Variants in PTPRD observed in about 807,000 individuals in gnomAD.
PTPRD encodes the protein protein tyrosine phosphatase receptor type D, also known as receptor-type tyrosine-protein phosphatase delta.
PTPRD carries 34 observed loss-of-function variants against 214.5 expected under a neutral mutation model. The ratio of observed to expected loss-of-function variants is 0.16; its 90% CI spans 0.12 to 0.21. The LOEUF is 0.21. Among genes scored for constraint, PTPRD ranks in the 10% least tolerant of loss-of-function variants. PTPRD has a pLI of 1.00. For missense variants in PTPRD, 2,545 were observed against 2,398.7 expected, an observed-to-expected ratio of 1.06 and a Z score of -1.27; for synonymous variants, 1,128 against 845.7, an observed-to-expected ratio of 1.33 and a Z score of -5.79.
intron 12 of PTPRD, among the ~76,000 whole-genome samples, chr9:8,702,172 C>G (rs573089610): frequency 1.3e-5 from 2 of 151,312 alleles, no homozygotes; most frequent in South Asian, 4.2e-4. Flanking sequence ...TTGGATTTTT[C>G]TGGAATTTAT....
rs3739579 is a variant in PTPRD, at chr9:8,314,988, T to G, written c.*2886A>C. 0.15 allele frequency: 34,163 copies of G among 232,328 alleles called. 3,269 individuals are homozygous for G. The highest frequency in any genetic ancestry group is 0.34 in the East Asian group (5,609 of 16,484). 14.4% of individuals were successfully genotyped at this position (232,328 alleles called of 1,614,324 possible). On this transcript the variant is annotated 3_prime_UTR_variant, in exon 46 of 46. Transcript: ENST00000381196. ...TTCTGTACAAATCACTTTTTATATA[T>G]TTTGATTTTTTTTACCATTGTAACT...
chr9:9,056,576 T>A (rs1477551366), intron 10 of PTPRD, among the ~76,000 whole-genome samples: 4 of 152,230 alleles, frequency 2.6e-5, no homozygotes, highest in East Asian at 3.8e-4. Flanking sequence ...TTTGTGCCAA[T>A]GAGCATTTTA....
chr9:10,205,618 G>A (rs2099469508), intron 3 of PTPRD, among the ~76,000 whole-genome samples: 1 of 151,916 alleles, frequency 6.6e-6, no homozygotes, highest in Admixed American at 6.6e-5. Flanking sequence ...TGTTGTTCAG[G>A]CTGGTCTTGA....
At chr9:9,789,301 C>T (rs374149453) in intron 5 of PTPRD, among the ~76,000 whole-genome samples, 1 of 152,112 alleles carries the variant, frequency 6.6e-6, no homozygotes, top group Non-Finnish European at 1.5e-5. Flanking sequence ...GGCAAGTTCC[C>T]GTAGCGTATG....
Position 8,656,252 on chromosome 9 carries a change from A to G in PTPRD, c.65-19408T>C, listed in dbSNP as rs186650799. On this transcript the variant is annotated intron_variant, in intron 12 of 45. Transcript: ENST00000381196. ...AAATGTCTCCTCCAGATGATCTTTT[A>G]GCATACTAAAATTTTACAACCTTTT... Among the ~76,000 whole-genome samples the G allele has an allele frequency of 2.4e-4, 36 of 152,310 alleles. No individual in the cohort carries two copies. In the East Asian group the frequency reaches 6.4e-3, roughly 27 times the overall value.
intron 12 of PTPRD, among the ~76,000 whole-genome samples, chr9:8,668,459 T>C (rs981753418): frequency 3.3e-5 from 5 of 152,226 alleles, no homozygotes; most frequent in African/African-American, 4.8e-5. Flanking sequence ...TTCAGGCAAC[T>C]GCAAGATTAA....
intron 9 of PTPRD, among the ~76,000 whole-genome samples, chr9:9,331,319 T>C (rs2042229966): frequency 6.6e-6 from 1 of 152,102 alleles, no homozygotes; most frequent in Non-Finnish European, 1.5e-5. Flanking sequence ...TTACTAAGTT[T>C]TTAAAATGTT....
At chr9:9,120,805 G>A (rs1374086605) in intron 10 of PTPRD, among the ~76,000 whole-genome samples, 1 of 152,160 alleles carries the variant, frequency 6.6e-6, no homozygotes, top group Admixed American at 6.5e-5. Flanking sequence ...AGGATCATGT[G>A]TACAACATTT....
At chr9:8,668,762 T>C (rs1013395661) in intron 12 of PTPRD, among the ~76,000 whole-genome samples, 3 of 152,216 alleles carry the variant, frequency 2.0e-5, no homozygotes, top group Non-Finnish European at 4.4e-5. Context: ...TTTACTATAA[T>C]AGAATTCCAA....
At chr9:10,455,631 T>C (rs1290903069) in intron 2 of PTPRD, among the ~76,000 whole-genome samples, 1 of 151,736 alleles carries the variant, frequency 6.6e-6, no homozygotes, top group Non-Finnish European at 1.5e-5. Context: ...TCTCTCCCAT[T>C]CGTCACCATA....
At chr9:9,974,359 C>T (rs1267982073) in intron 4 of PTPRD, among the ~76,000 whole-genome samples, 1 of 152,112 alleles carries the variant, frequency 6.6e-6, no homozygotes, top group Non-Finnish European at 1.5e-5. Context: ...AAGCCTTTCT[C>T]CTTTGCTATT....
intron 5 of PTPRD, among the ~76,000 whole-genome samples, chr9:9,789,229 G>A (rs1187298153): frequency 6.6e-6 from 1 of 152,104 alleles, no homozygotes. Flanking sequence ...TCTAACTTTG[G>A]TGGAGAAAGC....
chr9:10,308,094 T>C (rs1292344646), intron 3 of PTPRD, among the ~76,000 whole-genome samples: 3 of 151,926 alleles, frequency 2.0e-5, no homozygotes, highest in African/African-American at 4.8e-5. Flanking sequence ...TCTATTTTTG[T>C]TTATATTGCC....
chr9:8,789,726 G>A (rs1486367986), intron 11 of PTPRD, among the ~76,000 whole-genome samples: 2 of 152,064 alleles, frequency 1.3e-5, no homozygotes, highest in African/African-American at 2.4e-5. Flanking sequence ...AAAAAAACCA[G>A]AATAGCAGAG....
chr9:9,319,560 G>A (rs1029996393), intron 9 of PTPRD, among the ~76,000 whole-genome samples: 1 of 152,126 alleles, frequency 6.6e-6, no homozygotes, highest in Non-Finnish European at 1.5e-5. Context: ...TTCTACCAAA[G>A]AGTTAAATTA....
intron 5 of PTPRD, among the ~76,000 whole-genome samples, chr9:9,901,625 C>A (rs1421158225): frequency 6.6e-6 from 1 of 151,962 alleles, no homozygotes; most frequent in African/African-American, 2.4e-5. Flanking sequence ...AGAAATCTGA[C>A]TTCTTTCTTT....
chr9:8,316,970 G>T lies in PTPRD; in HGVS notation c.*904C>A. The T allele has an allele frequency of 4.3e-6, 1 of 231,374 alleles. No homozygotes were observed. The highest frequency in any genetic ancestry group is 8.6e-6 in the Non-Finnish European group (1 of 116,734). 14.3% of individuals were successfully genotyped at this position (231,374 alleles called of 1,614,324 possible). ...TACATAGACACCCTTATAAAATATG[G>T]ATATATATGTATATATGTTAGCAGC... On this transcript the variant is annotated 3_prime_UTR_variant, in exon 46 of 46. Coordinates refer to ENST00000381196, the MANE Select transcript of PTPRD (RefSeq NM_002839.4).
intron 8 of PTPRD, among the ~76,000 whole-genome samples, chr9:9,519,617 A>T (rs1487928036): frequency 6.6e-6 from 1 of 152,038 alleles, no homozygotes; most frequent in East Asian, 1.9e-4. Context: ...CACAAACCAA[A>T]ATACCAAACT....
At chr9:10,367,012 T>G (rs1282214841) in intron 2 of PTPRD, among the ~76,000 whole-genome samples, 1 of 151,786 alleles carries the variant, frequency 6.6e-6, no homozygotes, top group Non-Finnish European at 1.5e-5. Context: ...TCACCTAGAC[T>G]TATAACTTGT....
Sources: gnomAD v4.1 joint callset for allele counts (sites outside exome capture counted in the v4.1 genomes callset) on GRCh38, gnomAD v4.1.1 for gene constraint, MANE v1.5 for transcripts, NCBI Gene and HGNC (gene_info 2026-07-23, HGNC 2026-07-21) for gene names.